PEX5L: variants seen among roughly 807,000 people sequenced by gnomAD.
PEX5L encodes the protein peroxisomal biogenesis factor 5 like.
In PEX5L, 30 loss-of-function variants were observed where a neutral mutation model predicts 84.0. The ratio of observed to expected loss-of-function variants is 0.36; its 90% CI spans 0.27 to 0.48. The LOEUF is 0.48. Ranked by LOEUF, PEX5L falls within the 20% of genes least tolerant of loss-of-function variation. The probability of loss-of-function intolerance (pLI) is 0.99; values close to 1 mark genes in which losing one functional copy is unlikely to be tolerated. For synonymous variants in PEX5L, 270 were observed against 283.1 expected (o/e 0.95, Z 0.46); for missense variants, 533 against 754.6 (o/e 0.71, Z 3.44).
At chr3:179,859,644 G>A (rs914822061) in intron 7 of PEX5L, among the ~76,000 whole-genome samples, 8 of 152,198 alleles carry the variant, frequency 5.3e-5, no homozygotes, top group Admixed American at 4.6e-4. Context: ...TATGTACACA[G>A]CAGATCCTCA....
chr3:179,973,768 G>T (rs770118622), intron 1 of PEX5L: 5 of 985,198 alleles, frequency 5.1e-6, no homozygotes, highest in African/African-American at 1.7e-5. Flanking sequence ...CTGGGAAGAG[G>T]CTAGTTCAGG....
At chr3:179,893,791 T>C (rs1328755391) in intron 3 of PEX5L, among the ~76,000 whole-genome samples, 1 of 152,182 alleles carries the variant, frequency 6.6e-6, no homozygotes. Context: ...CTCATATTTG[T>C]AATGTTGATT....
At chr3:179,994,365 T>C (rs1787661948) in intron 1 of PEX5L, among the ~76,000 whole-genome samples, 2 of 152,272 alleles carry the variant, frequency 1.3e-5, no homozygotes, top group Non-Finnish European at 2.9e-5. Flanking sequence ...TGATGTCTTC[T>C]GGTTGTGGGA....
At chr3:180,011,275 C>T (rs1290494580) in intron 1 of PEX5L, among the ~76,000 whole-genome samples, 1 of 152,172 alleles carries the variant, frequency 6.6e-6, no homozygotes. Flanking sequence ...TTAGAAGTTC[C>T]TTCATATCTT....
At chr3:179,857,995 C>T (rs1310221039) in intron 8 of PEX5L, among the ~76,000 whole-genome samples, 2 of 152,072 alleles carry the variant, frequency 1.3e-5, no homozygotes, top group Admixed American at 1.3e-4. Flanking sequence ...CTCTTATTGG[C>T]TTTCTGAATA....
intron 1 of PEX5L, chr3:179,973,825 T>G: frequency 2.0e-6 from 2 of 985,450 alleles, no homozygotes; most frequent in African/African-American, 3.5e-5. Flanking sequence ...GCTGGCATTT[T>G]CCAAGAGTGG....
At chr3:179,875,500 G>A in intron 5 of PEX5L, 23 bp from the exon 6 acceptor site, 1 of 1,599,908 alleles carries the variant, frequency 6.3e-7, no homozygotes, top group Non-Finnish European at 8.5e-7. Flanking sequence ...GAGGAAGCAG[G>A]TGAGGCAGGT....
intron 2 of PEX5L, chr3:179,900,682 C>G: frequency 6.5e-7 from 1 of 1,535,278 alleles, no homozygotes; most frequent in Non-Finnish European, 8.7e-7. Flanking sequence ...AAGCCAGGGT[C>G]AGGTCACTTT....
chr3:179,947,551 A>C (rs1007334612), intron 2 of PEX5L, among the ~76,000 whole-genome samples: 1 of 152,084 alleles, frequency 6.6e-6, no homozygotes, highest in African/African-American at 2.4e-5. Context: ...TAGTAGAATA[A>C]CACAGGCTTA....
intron 8 of PEX5L, among the ~76,000 whole-genome samples, chr3:179,823,884 T>A (rs1729391204): frequency 6.6e-6 from 1 of 152,170 alleles, no homozygotes; most frequent in Admixed American, 6.5e-5. Flanking sequence ...AAGGAAGATC[T>A]TAGCACAGAA....
chr3:180,001,480 TAAAAG>T (rs1203931472), intron 1 of PEX5L, among the ~76,000 whole-genome samples: 1 of 144,324 alleles, frequency 6.9e-6, no homozygotes, highest in Non-Finnish European at 1.5e-5. Flanking sequence ...GTGCACATGT[TAAAAG>T]AAAACAAATT....
At chr3:179,969,044 C>T (rs941837606) in intron 2 of PEX5L, among the ~76,000 whole-genome samples, 10 of 151,930 alleles carry the variant, frequency 6.6e-5, no homozygotes, top group South Asian at 4.1e-4. Context: ...GTAGGCTTTC[C>T]GTGGAAGTAC....
intron 2 of PEX5L, among the ~76,000 whole-genome samples, chr3:179,937,846 G>A (rs2109746781): frequency 6.6e-6 from 1 of 152,302 alleles, no homozygotes; most frequent in African/African-American, 2.4e-5. Context: ...TGTTTCTCCT[G>A]TGTGAAATGA....
In PEX5L at chr3:180,000,814, C is replaced by T. The variant is rs190352861; in HGVS notation, c.22-29149G>A. On this transcript the variant is annotated intron_variant, in intron 1 of 14. Transcript: ENST00000467460. ...GGGGATTGGTGCATTTCTGGTTGTA[C>T]GAGGATAGTTGTATTATGTTAGGTG... 4.2e-4 allele frequency among the ~76,000 whole-genome samples: 64 copies of T among 152,160 alleles called. 1 individual carries two copies. The highest frequency in any genetic ancestry group is 1.4e-3 in the African/African-American group (58 of 41,510).
chr3:179,937,382 T>G (rs1262894778), intron 2 of PEX5L, among the ~76,000 whole-genome samples: 1 of 152,162 alleles, frequency 6.6e-6, no homozygotes, highest in Non-Finnish European at 1.5e-5. Flanking sequence ...GTATTATCTT[T>G]GTACTTTTCT....
intron 2 of PEX5L, among the ~76,000 whole-genome samples, chr3:179,904,902 C>A (rs1578257430): frequency 6.6e-6 from 1 of 152,222 alleles, no homozygotes; most frequent in South Asian, 2.1e-4. Context: ...TCTGGGTGAT[C>A]TATGCTGCTT....
chr3:179,904,243 A>G (rs1407052277), intron 2 of PEX5L, among the ~76,000 whole-genome samples: 1 of 152,134 alleles, frequency 6.6e-6, no homozygotes, highest in Admixed American at 6.5e-5. Flanking sequence ...ACAGGTGCAC[A>G]TTTCTTCAGC....
intron 2 of PEX5L, 93 bp from the exon 3 acceptor site, chr3:179,898,339 C>A: frequency 1.2e-6 from 1 of 861,422 alleles, no homozygotes; most frequent in East Asian, 2.9e-5. Context: ...AGCAATCCAA[C>A]ATAAATGAAG....
intron 8 of PEX5L, among the ~76,000 whole-genome samples, chr3:179,826,654 C>T (rs1441194925): frequency 6.6e-6 from 1 of 152,012 alleles, no homozygotes; most frequent in African/African-American, 2.4e-5. Flanking sequence ...TGTCTGTGTT[C>T]CGTATGATAA....
Sources: gnomAD v4.1 joint callset for allele counts (sites outside exome capture counted in the v4.1 genomes callset) on GRCh38, gnomAD v4.1.1 for gene constraint, MANE v1.5 for transcripts, NCBI Gene and HGNC (gene_info 2026-07-23, HGNC 2026-07-21) for gene names.